BBX: variants seen among roughly 807,000 people sequenced by gnomAD.
BBX encodes the protein HMG box transcription factor BBX.
BBX carries 30 observed loss-of-function variants against 100.2 expected under a neutral mutation model. The ratio of observed to expected loss-of-function variants is 0.30; its 90% CI spans 0.22 to 0.41. The LOEUF (loss-of-function observed/expected upper bound fraction) is 0.41, where lower values mean the gene tolerates loss of function less well. Among genes scored for constraint, BBX ranks in the 10% least tolerant of loss-of-function variants. The pLI is 1.00. For synonymous variants in BBX, 376 were observed against 388.1 expected, an observed-to-expected ratio of 0.97 and a Z score of 0.37; for missense variants, 1,023 against 1,129.8, an observed-to-expected ratio of 0.91 and a Z score of 1.35.
chr3:107,529,954 T>A (rs1559778043), intron 2 of BBX, among the ~76,000 whole-genome samples: 1 of 152,014 alleles, frequency 6.6e-6, no homozygotes, highest in Admixed American at 6.6e-5. Context: ...GATGAGAGAA[T>A]GAAAGACTTA....
chr3:107,559,849 C>T (rs1199035250), intron 2 of BBX, among the ~76,000 whole-genome samples: 1 of 152,062 alleles, frequency 6.6e-6, no homozygotes, highest in Admixed American at 6.6e-5. Context: ...CTCAAGTTAT[C>T]CTCCCAACTC....
chr3:107,743,064 ACT>A (rs1026935795), intron 7 of BBX, among the ~76,000 whole-genome samples: 51 of 152,172 alleles, frequency 3.4e-4, no homozygotes, highest in African/African-American at 1.2e-3. Context: ...CAGTGGAGCA[ACT>A]CTAAATAATA....
At chr3:107,702,055 A>G (rs923463524) in intron 3 of BBX, among the ~76,000 whole-genome samples, 1 of 152,232 alleles carries the variant, frequency 6.6e-6, no homozygotes, top group Non-Finnish European at 1.5e-5. Context: ...GTAAAGAACA[A>G]GTGATAAAGC....
chr3:107,635,596 A>G (rs2056801289), intron 2 of BBX, among the ~76,000 whole-genome samples: 5 of 152,240 alleles, frequency 3.3e-5, no homozygotes. Flanking sequence ...ACTGAATATC[A>G]TCATGTGCCA....
At chr3:107,646,280 G>T (rs1037109905) in intron 3 of BBX, among the ~76,000 whole-genome samples, 1 of 151,996 alleles carries the variant, frequency 6.6e-6, no homozygotes, top group Non-Finnish European at 1.5e-5. Flanking sequence ...ACTGCTGTTG[G>T]CTTTAATTGA....
At chr3:107,617,655 T>G (rs1260195323) in intron 2 of BBX, among the ~76,000 whole-genome samples, 4 of 152,190 alleles carry the variant, frequency 2.6e-5, no homozygotes, top group African/African-American at 9.6e-5. Flanking sequence ...CATTTTAGTG[T>G]CTACATGTTA....
intron 3 of BBX, among the ~76,000 whole-genome samples, chr3:107,691,682 G>T (rs2060178845): frequency 6.6e-6 from 1 of 152,156 alleles, no homozygotes; most frequent in Non-Finnish European, 1.5e-5. Flanking sequence ...GATATAAGAT[G>T]ATTGGATTCA....
intron 2 of BBX, among the ~76,000 whole-genome samples, chr3:107,580,568 G>T (rs2052195629): frequency 6.6e-6 from 1 of 151,952 alleles, no homozygotes. Flanking sequence ...CAAAATATAT[G>T]ACTCATATGT....
intron 2 of BBX, among the ~76,000 whole-genome samples, chr3:107,559,619 GGGATGGATA>G (rs2050333110): frequency 6.6e-6 from 1 of 152,198 alleles, no homozygotes; most frequent in Non-Finnish European, 1.5e-5. Context: ...CTAAAACTCA[GGGATGGATA>G]TGTAGATTTA....
At chr3:107,730,424 C>T (rs1443698974) in intron 6 of BBX, among the ~76,000 whole-genome samples, 1 of 151,444 alleles carries the variant, frequency 6.6e-6, no homozygotes, top group Admixed American at 6.6e-5. Context: ...CATCATGTAA[C>T]ATCCATTGCT....
At chr3:107,560,625 A>G (rs1428489841) in intron 2 of BBX, among the ~76,000 whole-genome samples, 1 of 152,192 alleles carries the variant, frequency 6.6e-6, no homozygotes, top group Non-Finnish European at 1.5e-5. Flanking sequence ...TTGTGGTGTT[A>G]GAAAACACTT....
At chr3:107,782,557 T>C (rs1193121341) in intron 13 of BBX, among the ~76,000 whole-genome samples, 2 of 152,060 alleles carry the variant, frequency 1.3e-5, no homozygotes, top group East Asian at 1.9e-4. Flanking sequence ...AGTATCGTGC[T>C]AGGCTCATGC....
chr3:107,710,768 TA>T lies in BBX; in HGVS notation c.162+147del. Reference sequence around the variant, plus strand: ...TATTCAATTACTTAGTTTACATTTTTATTCCAATTCTTGATTGCTCTTAAAG... The same window carrying T: ...TATTCAATTACTTAGTTTACATTTTTTTCCAATTCTTGATTGCTCTTAAAG... On this transcript the variant is annotated intron_variant, in intron 4 of 17. Transcript: ENST00000325805. 4.0e-6 allele frequency: 3 copies of T among 752,232 alleles called. No homozygotes were observed. The South Asian group carries it at 6.6e-5, about 17-fold the overall frequency. 46.6% of individuals were successfully genotyped at this position (752,232 alleles called of 1,614,324 possible).
At chr3:107,717,965 GTTTCAA>G (rs1254111186) in intron 5 of BBX, among the ~76,000 whole-genome samples, 2 of 151,614 alleles carry the variant, frequency 1.3e-5, no homozygotes, top group Non-Finnish European at 2.9e-5. Context: ...AAAATACAGA[GTTTCAA>G]GACATTTTAT....
intron 2 of BBX, among the ~76,000 whole-genome samples, chr3:107,574,829 G>T (rs2051651324): frequency 6.6e-6 from 1 of 152,180 alleles, no homozygotes; most frequent in African/African-American, 2.4e-5. Context: ...ACTCAAGGCT[G>T]TAGAGGGCAG....
intron 15 of BBX, among the ~76,000 whole-genome samples, chr3:107,791,799 G>A (rs530131311): frequency 2.0e-5 from 3 of 152,156 alleles, no homozygotes; most frequent in South Asian, 2.1e-4. Flanking sequence ...TCAGGAGTTC[G>A]AGACTAGCCT....
chr3:107,664,741 A>C (rs1165120201), intron 3 of BBX, among the ~76,000 whole-genome samples: 1 of 152,214 alleles, frequency 6.6e-6, no homozygotes, highest in Admixed American at 6.5e-5. Context: ...ACTTCTAAGA[A>C]ATACAGTTTT....
At chr3:107,770,621 T>C (rs1302541259) in intron 10 of BBX, among the ~76,000 whole-genome samples, 1 of 152,180 alleles carries the variant, frequency 6.6e-6, no homozygotes, top group Non-Finnish European at 1.5e-5. Context: ...TAAAGAGAAG[T>C]TCATAGTCTT....
chr3:107,729,065 A>G, intron 6 of BBX, 105 bp downstream of exon 6: 1 of 1,130,190 alleles, frequency 8.8e-7, no homozygotes, highest in Non-Finnish European at 1.3e-6. Flanking sequence ...TATAACCAAT[A>G]TTAAGCAGTG....
Sources: gnomAD v4.1 joint callset for allele counts (sites outside exome capture counted in the v4.1 genomes callset) on GRCh38, gnomAD v4.1.1 for gene constraint, MANE v1.5 for transcripts, NCBI Gene and HGNC (gene_info 2026-07-23, HGNC 2026-07-21) for gene names.